Variants in RIC1 observed in about 807,000 individuals in gnomAD.
RIC1 encodes RIC1 partner of RAB6A GEF complex, also known as guanine nucleotide exchange factor subunit RIC1.
In RIC1, 88 loss-of-function variants were observed where a neutral mutation model predicts 169.0. The observed-to-expected ratio is 0.52, with a 90% CI of 0.44 to 0.62. The LOEUF is 0.62. RIC1 is among the 20% of genes least tolerant of loss of function. The pLI is 0.00. For missense variants in RIC1, 1,877 were observed against 1,725.5 expected (o/e 1.09, Z -1.56); for synonymous variants, 790 against 601.5 (o/e 1.31, Z -4.59).
At chr9:5,677,151 G>A (rs183225131) in intron 2 of RIC1, among the ~76,000 whole-genome samples, 7 of 152,230 alleles carry the variant, frequency 4.6e-5, no homozygotes, top group Non-Finnish European at 8.8e-5. Flanking sequence ...AGCAGTGTAT[G>A]AGAATTTCTA....
intron 3 of RIC1, among the ~76,000 whole-genome samples, chr9:5,695,779 C>T (rs1246941501): frequency 6.6e-6 from 1 of 151,908 alleles, no homozygotes; most frequent in South Asian, 2.1e-4. Flanking sequence ...CTATGTTGGC[C>T]AGGATGGTCT....
intron 2 of RIC1, among the ~76,000 whole-genome samples, chr9:5,662,467 GT>G (rs142644125): frequency 2.3e-4 from 33 of 145,512 alleles, no homozygotes; most frequent in South Asian, 4.3e-4. Flanking sequence ...TCCTGGGCTG[GT>G]TTTTTTTTTT....
intron 2 of RIC1, among the ~76,000 whole-genome samples, chr9:5,689,120 C>G (rs1821441256): frequency 7.7e-6 from 1 of 129,944 alleles, no homozygotes; most frequent in African/African-American, 3.0e-5. Flanking sequence ...GCGATCTTAG[C>G]TCACTGCAAG....
At chr9:5,727,528 A>G (rs902256037) in intron 6 of RIC1, among the ~76,000 whole-genome samples, 5 of 152,192 alleles carry the variant, frequency 3.3e-5, no homozygotes, top group African/African-American at 1.2e-4. Flanking sequence ...GATCGTCTGA[A>G]GCCTTCTTCT....
intron 7 of RIC1, among the ~76,000 whole-genome samples, chr9:5,733,823 A>T (rs1474451263): frequency 6.6e-6 from 1 of 151,564 alleles, no homozygotes; most frequent in Non-Finnish European, 1.5e-5. Context: ...TTTCACCTAT[A>T]ATTTTCCTCT....
chr9:5,681,893 A>T (rs1305482238), intron 2 of RIC1, among the ~76,000 whole-genome samples: 1 of 152,120 alleles, frequency 6.6e-6, no homozygotes, highest in African/African-American at 2.4e-5. Context: ...TGTTGAATTG[A>T]TCCCTTTACC....
intron 7 of RIC1, among the ~76,000 whole-genome samples, chr9:5,732,878 A>C (rs1824455220): frequency 6.6e-6 from 1 of 152,148 alleles, no homozygotes; most frequent in South Asian, 2.1e-4. Context: ...TAACAAGCAA[A>C]TTTAAAGTGC....
chr9:5,722,650 G>A lies in RIC1; in HGVS notation c.720+1900G>A, dbSNP rs1823677472. The stretch of plus-strand genomic sequence containing the variant: ...TACACATGTGCCATGTTGGTGTTCT[G>A]CACCCATTAACTCGTCATTTACATT... On this transcript the variant is annotated intron_variant, in intron 6 of 25. Transcript: ENST00000414202. 1.3e-5 allele frequency among the ~76,000 whole-genome samples: 2 copies of A among 151,986 alleles called. 1 individual carries two copies. The highest frequency in any genetic ancestry group is 4.2e-4 in the South Asian group (2 of 4,816).
chr9:5,763,732 TCCATTGTGCCAGGAAGACCGAATATGC>T lies in RIC1; in HGVS notation c.2708_2734del (p.His903_Ala911del). On this transcript the variant is annotated inframe_deletion, in exon 19 of 26. Coordinates refer to ENST00000414202, the MANE Select transcript of RIC1 (RefSeq NM_020829.4). The surrounding 1 kb of genome is among the most constrained non-coding windows in gnomAD (Gnocchi z 5.2). ...TTCCCCCTCTTCCTGCAGACAGTTG[TCCATTGTGCCAGGAAGACCGAATATGC>T]CCTGTGGAATTACCTTTTTGCAGCT... The T allele has an allele frequency of 6.2e-7, 1 of 1,614,142 alleles. No individual in the cohort carries two copies. Among genetic ancestry groups the T allele is most frequent in the Non-Finnish European group, 8.5e-7 (1 of 1,180,018 alleles).
intron 3 of RIC1, among the ~76,000 whole-genome samples, chr9:5,706,449 T>C (rs1364631882): frequency 1.3e-5 from 2 of 151,800 alleles, no homozygotes; most frequent in Admixed American, 1.3e-4. Flanking sequence ...AGACTCTGTC[T>C]CAAAAAAAAG....
intron 2 of RIC1, among the ~76,000 whole-genome samples, chr9:5,682,022 T>C (rs537027359): frequency 6.6e-6 from 1 of 152,344 alleles, no homozygotes; most frequent in East Asian, 1.9e-4. Context: ...TAGATCTTCC[T>C]CCATCCCTTT....
chr9:5,762,151 C>G (rs1027833434), intron 17 of RIC1, among the ~76,000 whole-genome samples: 1 of 152,212 alleles, frequency 6.6e-6, no homozygotes, highest in Non-Finnish European at 1.5e-5. Context: ...GATTACCAAC[C>G]CTTACTCTCC....
At chr9:5,731,835 C>A (rs10815275) in intron 6 of RIC1, among the ~76,000 whole-genome samples, 65,717 of 151,918 alleles carry the variant, frequency 0.43, 15,283 homozygotes, top group East Asian at 0.85. Context: ...AGATCAAATA[C>A]TTATTTTGAG....
rs1190422451 is a variant in RIC1, at chr9:5,773,057, G to A, written c.3960G>A (p.Val1320=). Reference sequence around the variant, plus strand: ...ACATAAAGACAGGGCTCCATGCAGTGGACCGATGGGCCTCTACAGACTGGT... The same window carrying A: ...ACATAAAGACAGGGCTCCATGCAGTAGACCGATGGGCCTCTACAGACTGGT... ...LQNIKTGLHA[V]DRWASTDCPG... is the part of the protein sequence containing the mutation. The change falls in exon 25 of 26, where the codon GTG becomes GTA. Residue 1320 remains valine, a synonymous_variant. Coordinates refer to ENST00000414202, the MANE Select transcript of RIC1 (RefSeq NM_020829.4). The A allele has an allele frequency of 1.9e-6, 3 of 1,612,236 alleles. No individual in the cohort carries two copies. Among genetic ancestry groups the A allele is most frequent in the Non-Finnish European group, 1.7e-6 (2 of 1,179,004 alleles).
At chr9:5,720,354 C>G in intron 5 of RIC1, 30 bp downstream of exon 5, 1 of 1,588,518 alleles carries the variant, frequency 6.3e-7, no homozygotes, top group Non-Finnish European at 8.6e-7. Context: ...GAGGTTGAAC[C>G]AGTTGTTTAA....
At chr9:5,713,315 T>C (rs1823045634) in intron 3 of RIC1, 1 of 152,268 alleles carries the variant, frequency 6.6e-6, no homozygotes, top group Admixed American at 6.5e-5. Flanking sequence ...TAAGTTGGCA[T>C]TGACCCAGCA....
intron 17 of RIC1, among the ~76,000 whole-genome samples, chr9:5,761,024 G>T (rs955804837): frequency 6.6e-6 from 1 of 150,950 alleles, no homozygotes; most frequent in Non-Finnish European, 1.5e-5. Context: ...AAAAGCTCAG[G>T]TGATGGCCCG....
chr9:5,653,916 T>C (rs1586886030), intron 1 of RIC1, among the ~76,000 whole-genome samples: 1 of 152,186 alleles, frequency 6.6e-6, no homozygotes, highest in East Asian at 1.9e-4. Context: ...TATTTAGCTC[T>C]TCTTTGGTAT....
chr9:5,656,907 A>G (rs1321290743), intron 2 of RIC1, among the ~76,000 whole-genome samples: 6 of 152,122 alleles, frequency 3.9e-5, no homozygotes, highest in South Asian at 4.1e-4. Context: ...CTATATCCCT[A>G]AACATAGCAC....
Sources: allele counts gnomAD v4.1 joint callset (sites outside exome capture counted in the v4.1 genomes callset), GRCh38; gene constraint gnomAD v4.1.1; non-coding constraint Gnocchi (gnomAD v3.1); transcripts MANE v1.5; gene names NCBI Gene and HGNC (gene_info 2026-07-23, HGNC 2026-07-21).